FRK: variants seen among roughly 807,000 people sequenced by gnomAD.
The protein encoded by FRK is tyrosine-protein kinase FRK.
FRK carries 51 observed loss-of-function variants against 56.4 expected under a neutral mutation model. The ratio of observed to expected loss-of-function variants is 0.90; its 90% confidence interval spans 0.72 to 1.14. The LOEUF is 1.14. Among genes scored for constraint, FRK ranks in the 50% most tolerant of loss-of-function variants. FRK has a pLI of 0.00. For synonymous variants in FRK, 245 were observed against 217.9 expected, an observed-to-expected ratio of 1.12 and a Z score of -1.10; for missense variants, 570 against 601.4, an observed-to-expected ratio of 0.95 and a Z score of 0.55.
intron 2 of FRK, among the ~76,000 whole-genome samples, chr6:116,001,156 T>G (rs1775050016): frequency 6.6e-6 from 1 of 151,634 alleles, no homozygotes; most frequent in South Asian, 2.1e-4. Context: ...GAGAATTGCT[T>G]GAACCCAGAA....
chr6:115,949,344 G>A (rs1180562617), intron 5 of FRK, among the ~76,000 whole-genome samples: 1 of 152,164 alleles, frequency 6.6e-6, no homozygotes, highest in African/African-American at 2.4e-5. Flanking sequence ...GTGAGAGAGG[G>A]CATCCTTGTC....
chr6:116,000,148 C>T (rs964575446), intron 2 of FRK, among the ~76,000 whole-genome samples: 16 of 150,228 alleles, frequency 1.1e-4, no homozygotes, highest in Non-Finnish European at 1.9e-4. Context: ...GTCACTGTAG[C>T]CTGGCCATTA....
Position 116,008,941 on chromosome 6 carries a change from T to A in FRK, c.345-4943A>T, listed in dbSNP as rs1338095873. 2.6e-5 allele frequency among the ~76,000 whole-genome samples: 4 copies of A among 152,258 alleles called. No individual in the cohort carries two copies. In the East Asian group the frequency reaches 5.8e-4, roughly 22 times the overall value. On this transcript the variant is annotated intron_variant, in intron 1 of 7. Coordinates refer to ENST00000606080, the MANE Select transcript of FRK (RefSeq NM_002031.3). ...AAAGAAAAACCTTAGACAAATCAAA[T>A]GTAACAGAGTTTAATTGAGCAAAGA...
At position 115,936,140 on chromosome 6, in the gene FRK, G is replaced by A. The variant is rs934915654; in HGVS notation, c.*6274C>T. ...CCCCTCTGGGACGAAGCTTCCAGAG[G>A]AAAGAACAGGCAGCAATCTTTGCTG... On this transcript the variant is annotated 3_prime_UTR_variant, in exon 8 of 8. Coordinates refer to ENST00000606080, the MANE Select transcript of FRK (RefSeq NM_002031.3). The A allele has an allele frequency of 6.2e-6, 1 of 161,164 alleles. No homozygotes were observed. Among genetic ancestry groups the A allele is most frequent in the Non-Finnish European group, 1.3e-5 (1 of 75,606 alleles). The allele number at this position is 161,164 out of a possible 1,614,324, so 10.0% of individuals were successfully genotyped here. A position where few individuals can be genotyped will look rare whatever the true frequency, so the allele number is the denominator to read the frequency against.
Position 115,944,504 on chromosome 6 carries a change from G to A in FRK, c.959-79C>T. The A allele has an allele frequency of 4.5e-6, 5 of 1,107,328 alleles. 1 individual carries two copies. The South Asian group carries it at 7.9e-5, about 17-fold the overall frequency. The allele number at this position is 1,107,328 out of a possible 1,614,324, so 68.6% of individuals were successfully genotyped here. A position where few individuals can be genotyped will look rare whatever the true frequency, so the allele number is the denominator to read the frequency against. ...AAAGTGAATTCTGAGAATTTTGAAT[G>A]TATGAGCTATCAGTGAGATTAAGTA... On this transcript the variant is annotated intron_variant, in intron 5 of 7. Transcript: ENST00000606080.
At chr6:116,051,914 A>T (rs1777191612) in intron 1 of FRK, among the ~76,000 whole-genome samples, 1 of 152,192 alleles carries the variant, frequency 6.6e-6, no homozygotes, top group South Asian at 2.1e-4. Flanking sequence ...TATTTCATAC[A>T]CATAATAATT....
intron 1 of FRK, among the ~76,000 whole-genome samples, chr6:116,029,897 AG>A (rs1368322257): frequency 6.6e-6 from 1 of 152,166 alleles, no homozygotes; most frequent in Non-Finnish European, 1.5e-5. Context: ...CTGATTTTTA[AG>A]GAAAATTTTT....
At chr6:116,033,467 C>T (rs1346058962) in intron 1 of FRK, among the ~76,000 whole-genome samples, 1 of 152,032 alleles carries the variant, frequency 6.6e-6, no homozygotes, top group Non-Finnish European at 1.5e-5. Flanking sequence ...TCTAATTGAG[C>T]CAGTTATTTT....
At chr6:115,960,335 A>G (rs1055511734) in intron 4 of FRK, among the ~76,000 whole-genome samples, 4 of 151,488 alleles carry the variant, frequency 2.6e-5, no homozygotes, top group African/African-American at 9.7e-5. Flanking sequence ...CGCTTTTCAG[A>G]CCGGCTTAAA....
intron 1 of FRK, among the ~76,000 whole-genome samples, chr6:116,013,340 T>C (rs1395945303): frequency 6.6e-6 from 1 of 152,092 alleles, no homozygotes; most frequent in Non-Finnish European, 1.5e-5. Context: ...TATCCTCTAT[T>C]TGGGGAAGAG....
chr6:116,058,910 C>CAAAA (rs3049930), intron 1 of FRK, among the ~76,000 whole-genome samples: 59 of 78,134 alleles, frequency 7.6e-4, no homozygotes, highest in Middle Eastern at 6.8e-3. Context: ...GACTCCGTCT[C>CAAAA]AAAAAAAAAA....
chr6:115,965,786 A>C (rs1412319271), intron 4 of FRK, among the ~76,000 whole-genome samples: 1 of 24,586 alleles, frequency 4.1e-5, no homozygotes. Flanking sequence ...CATTCTCAGT[A>C]AACTATCGCA....
At position 115,960,127 on chromosome 6, in the gene FRK, G is replaced by A. The variant is rs1413919085; in HGVS notation, c.800-3517C>T. Among the ~76,000 whole-genome samples, 3 of 151,970 alleles carry A rather than the reference G, an allele frequency of 2.0e-5. No individual in the cohort carries two copies. The East Asian group carries it at 5.8e-4, about 30-fold the overall frequency. ...ACGGGTGATTTCTGCATTTCCATCT[G>A]AGGTACCGGGTTCATCTCACTAGGG... On this transcript the variant is annotated intron_variant, in intron 4 of 7. Coordinates refer to ENST00000606080, the MANE Select transcript of FRK (RefSeq NM_002031.3).
At chr6:116,058,799 T>C (rs1048684144) in intron 1 of FRK, among the ~76,000 whole-genome samples, 1 of 150,772 alleles carries the variant, frequency 6.6e-6, no homozygotes, top group Non-Finnish European at 1.5e-5. Flanking sequence ...TAGTCCCAGC[T>C]ACTTGGAAGG....
At chr6:116,043,155 C>T (rs1342234790) in intron 1 of FRK, among the ~76,000 whole-genome samples, 1 of 152,134 alleles carries the variant, frequency 6.6e-6, no homozygotes, top group Non-Finnish European at 1.5e-5. Context: ...TTAACACCCA[C>T]TGTTAATATT....
chr6:116,095,423 A>C, the FRK span, among the ~76,000 whole-genome samples: 15 of 152,260 alleles, frequency 9.9e-5, no homozygotes, highest in Admixed American at 9.8e-4. Flanking sequence ...AAGAGGTTTT[A>C]TTAATAGCAA....
At chr6:116,050,036 C>T (rs748937432) in intron 1 of FRK, among the ~76,000 whole-genome samples, 6 of 152,110 alleles carry the variant, frequency 3.9e-5, no homozygotes, top group Non-Finnish European at 8.8e-5. Flanking sequence ...CACTACATGG[C>T]AGACAGTTTT....
chr6:115,933,453 A>G lies in FRK; in HGVS notation c.*8961T>C, dbSNP rs549247039. The G allele has an allele frequency of 6.6e-6, 1 of 152,200 alleles. No homozygotes were observed. The highest frequency in any genetic ancestry group is 2.4e-5 in the African/African-American group (1 of 41,470). The allele number at this position is 152,200 out of a possible 1,614,324, so 9.4% of individuals were successfully genotyped here. A position where few individuals can be genotyped will look rare whatever the true frequency, so the allele number is the denominator to read the frequency against. ...ATAACTGAATCCATTATTTTTCTCCATGATCCATCAGGTAAAAACAAGAAT... is the reference window on the plus strand; with the variant it reads ...ATAACTGAATCCATTATTTTTCTCCGTGATCCATCAGGTAAAAACAAGAAT... On this transcript the variant is annotated 3_prime_UTR_variant, in exon 8 of 8. Transcript: ENST00000606080.
chr6:115,977,922 T>C (rs1268639792), intron 2 of FRK, among the ~76,000 whole-genome samples: 1 of 152,200 alleles, frequency 6.6e-6, no homozygotes, highest in Non-Finnish European at 1.5e-5. Flanking sequence ...GATGAGTATC[T>C]TTTTAATTAA....
Sources: allele counts gnomAD v4.1 joint callset (sites outside exome capture counted in the v4.1 genomes callset), GRCh38; gene constraint gnomAD v4.1.1; transcripts MANE v1.5; gene names NCBI Gene and HGNC (gene_info 2026-07-23, HGNC 2026-07-21).